GAS7: variants seen among roughly 807,000 people sequenced by gnomAD.
GAS7 encodes the protein growth arrest-specific protein 7.
GAS7 carries 28 observed loss-of-function variants against 71.1 expected under a neutral mutation model. The observed-to-expected ratio is 0.39, with a 90% CI of 0.29 to 0.54. GAS7 has a LOEUF of 0.54. GAS7 is among the 20% of genes least tolerant of loss of function. The pLI is 0.62. For synonymous variants in GAS7, 258 were observed against 245.8 expected (o/e 1.05, Z -0.46); for missense variants, 436 against 627.8 (o/e 0.69, Z 3.27).
intron 1 of GAS7, among the ~76,000 whole-genome samples, chr17:10,075,636 A>C (rs2073382118): frequency 6.6e-6 from 1 of 151,858 alleles, no homozygotes; most frequent in African/African-American, 2.4e-5. Context: ...GTCTGCAAAA[A>C]ATTAAGAAAT....
intron 1 of GAS7, among the ~76,000 whole-genome samples, chr17:10,064,835 G>A (rs1272432485): frequency 6.6e-6 from 1 of 152,172 alleles, no homozygotes; most frequent in Non-Finnish European, 1.5e-5. Context: ...TCCAATTTGA[G>A]TGGGATTTCT....
At chr17:9,940,868 G>A (rs1315088126) in intron 7 of GAS7, among the ~76,000 whole-genome samples, 1 of 152,230 alleles carries the variant, frequency 6.6e-6, no homozygotes, top group African/African-American at 2.4e-5. Context: ...GCACGTCCAT[G>A]TTAAGCATGT....
intron 1 of GAS7, among the ~76,000 whole-genome samples, chr17:10,032,648 T>C (rs2072649801): frequency 6.6e-6 from 1 of 152,174 alleles, no homozygotes; most frequent in Non-Finnish European, 1.5e-5. Flanking sequence ...CAGTTAAATG[T>C]CCAGCTCAGC....
chr17:10,184,624 AGTGTGGT>A lies in GAS7; in HGVS notation c.183+13577_183+13583del, dbSNP rs149130185. Reference sequence around the variant, plus strand: ...GAGCTGGCGGGAAATGCAGAATCCCAGTGTGGTGTAATATGAAATATATTTGGTCCTT... The same window carrying A: ...GAGCTGGCGGGAAATGCAGAATCCCAGTAATATGAAATATATTTGGTCCTT... On this transcript the variant is annotated intron_variant, in intron 1 of 13. Coordinates refer to ENST00000432992, the MANE Select transcript of GAS7 (RefSeq NM_201433.2). Among the ~76,000 whole-genome samples, 1,096 of 152,324 alleles carry A rather than the reference AGTGTGGT, an allele frequency of 7.2e-3. 11 individuals carry two copies. The highest frequency in any genetic ancestry group is 0.025 in the African/African-American group (1,042 of 41,576).
intron 1 of GAS7, among the ~76,000 whole-genome samples, chr17:10,064,369 G>A (rs1478773881): frequency 1.3e-5 from 2 of 152,198 alleles, no homozygotes. Flanking sequence ...TGCTGTGTGG[G>A]CCTGCCCAGC....
intron 2 of GAS7, among the ~76,000 whole-genome samples, chr17:10,008,561 T>TTAAA (rs2071627721): frequency 6.6e-6 from 1 of 152,232 alleles, no homozygotes; most frequent in African/African-American, 2.4e-5. Context: ...ATTATTGGCC[T>TTAAA]TAAACACTGG....
chr17:10,174,132 T>A (rs2074354537), intron 1 of GAS7, among the ~76,000 whole-genome samples: 1 of 152,188 alleles, frequency 6.6e-6, no homozygotes, highest in South Asian at 2.1e-4. Context: ...CCTGGCCTCA[T>A]TAAGCAAACC....
chr17:9,955,697 C>T (rs1294204586), intron 5 of GAS7, among the ~76,000 whole-genome samples: 3 of 152,178 alleles, frequency 2.0e-5, no homozygotes, highest in African/African-American at 7.2e-5. Context: ...CCACCAAAGG[C>T]AGGGGCTCAA....
intron 1 of GAS7, among the ~76,000 whole-genome samples, chr17:10,161,103 C>A (rs907249325): frequency 6.6e-6 from 1 of 152,042 alleles, no homozygotes; most frequent in Non-Finnish European, 1.5e-5. Context: ...TGTTTGTTTG[C>A]GGTTTTTGTT....
intron 2 of GAS7, among the ~76,000 whole-genome samples, chr17:9,983,612 C>G (rs903831126): frequency 2.0e-5 from 3 of 151,942 alleles, no homozygotes; most frequent in African/African-American, 7.3e-5. Flanking sequence ...CATGGTGAAA[C>G]CCGATCTCCA....
intron 1 of GAS7, among the ~76,000 whole-genome samples, chr17:10,076,533 T>C (rs1440801791): frequency 6.6e-6 from 1 of 151,972 alleles, no homozygotes; most frequent in Non-Finnish European, 1.5e-5. Context: ...ACGGCTGACA[T>C]ATTCATACAT....
rs1267297292 is a variant in GAS7, at chr17:9,929,729, G to T, written c.886-2960C>A. Among the ~76,000 whole-genome samples, 5 of 151,966 alleles carry T rather than the reference G, an allele frequency of 3.3e-5. No individual in the cohort carries two copies. The East Asian group carries it at 9.7e-4, about 29-fold the overall frequency. ...CCTGACCTCATGATCCGCCCGCCTC[G>T]GCCTCCCAAAGTGCTGGGATTACAG... On this transcript the variant is annotated intron_variant, in intron 9 of 13. Transcript: ENST00000432992.
At chr17:9,988,375 T>C (rs2070720070) in intron 2 of GAS7, among the ~76,000 whole-genome samples, 1 of 152,166 alleles carries the variant, frequency 6.6e-6, no homozygotes, top group Admixed American at 6.5e-5. Flanking sequence ...GCGAGCCCCA[T>C]TGCCTTGGTC....
chr17:10,063,338 C>T (rs2073241337), intron 1 of GAS7, among the ~76,000 whole-genome samples: 1 of 152,186 alleles, frequency 6.6e-6, no homozygotes, highest in Non-Finnish European at 1.5e-5. Flanking sequence ...CAAAGACGTC[C>T]CCATGTCCTA....
At chr17:9,947,063 G>A in intron 5 of GAS7, 80 bp from the exon 6 acceptor site, 2 of 878,522 alleles carry the variant, frequency 2.3e-6, no homozygotes, top group Non-Finnish European at 1.9e-6. Flanking sequence ...GGGGGACACG[G>A]CACTGGAGCA....
Position 10,106,566 on chromosome 17 carries a change from T to C in GAS7, c.184-86669A>G, listed in dbSNP as rs193035031. 1.3e-3 allele frequency among the ~76,000 whole-genome samples: 196 copies of C among 152,302 alleles called. 3 individuals are homozygous for C. The East Asian group carries it at 0.02, about 16-fold the overall frequency. The stretch of plus-strand genomic sequence containing the variant: ...CCTTAGGAGATTTGAGATTTGCATC[T>C]TTAGAGCATTAGACCTTCAACATGA... On this transcript the variant is annotated intron_variant, in intron 1 of 13. Coordinates refer to ENST00000432992, the MANE Select transcript of GAS7 (RefSeq NM_201433.2).
intron 1 of GAS7, among the ~76,000 whole-genome samples, chr17:10,156,799 C>T (rs1330555270): frequency 1.1e-4 from 17 of 152,060 alleles, no homozygotes; most frequent in Non-Finnish European, 2.5e-4. Context: ...GGCCTCCCTC[C>T]CTTTTCCCCT....
intron 4 of GAS7, among the ~76,000 whole-genome samples, chr17:9,965,287 T>C (rs2069660263): frequency 8.9e-6 from 1 of 111,732 alleles, no homozygotes; most frequent in Admixed American, 9.5e-5. Flanking sequence ...CCATCAATGA[T>C]AGACTAAAGA....
At chr17:10,095,622 C>A (rs1043547635) in intron 1 of GAS7, among the ~76,000 whole-genome samples, 1 of 151,856 alleles carries the variant, frequency 6.6e-6, no homozygotes, top group Non-Finnish European at 1.5e-5. Context: ...GAGATCGAGA[C>A]CATCCTGGCC....
Sources: allele counts gnomAD v4.1 joint callset (sites outside exome capture counted in the v4.1 genomes callset), GRCh38; gene constraint gnomAD v4.1.1; transcripts MANE v1.5; gene names NCBI Gene and HGNC (gene_info 2026-07-23, HGNC 2026-07-21).